The following EXD3 variants were observed in gnomAD, a reference collection of about 807,000 sequenced individuals.
EXD3 encodes exonuclease mut-7 homolog.
In EXD3, 92 loss-of-function variants were observed where a neutral mutation model predicts 98.0. The ratio of observed to expected loss-of-function variants is 0.94; its 90% CI spans 0.79 to 1.12. The LOEUF (loss-of-function observed/expected upper bound fraction) is 1.12, where lower values mean the gene tolerates loss of function less well. Ranked by LOEUF, EXD3 falls within the 50% of genes most tolerant of loss-of-function variation. The probability of loss-of-function intolerance (pLI) is 0.00; values close to 1 mark genes in which losing one functional copy is unlikely to be tolerated. For missense variants in EXD3, 1,222 were observed against 1,191.6 expected (o/e 1.03, Z -0.38); for synonymous variants, 569 against 526.0 (o/e 1.08, Z -1.12).
rs563761495 is a variant in EXD3 at position 137,346,238 on chromosome 9, C to CAAAAAAAAAAAAAA, written c.1998+1819_1998+1832dup. Among the ~76,000 whole-genome samples the CAAAAAAAAAAAAAA allele has an allele frequency of 5.3e-3, 72 of 13,612 alleles. 13 individuals are homozygous for CAAAAAAAAAAAAAA. Among genetic ancestry groups the CAAAAAAAAAAAAAA allele is most frequent in the African/African-American group, 0.018 (62 of 3,508 alleles). The allele number at this position is 13,612 out of a possible 152,430, so 8.9% of individuals were successfully genotyped here. On this transcript the variant is annotated intron_variant, in intron 17 of 21. Coordinates refer to ENST00000340951, the MANE Select transcript of EXD3 (RefSeq NM_017820.5). ...TGGGAGACAGAGCAAGACTCCGTCTCAAAAAAAAAAAAAAAAAAAAAAAAA... is the reference window on the plus strand; with the variant it reads ...TGGGAGACAGAGCAAGACTCCGTCTCAAAAAAAAAAAAAAAAAAAAAAAAAAAAAAAAAAAAAAA...
chr9:137,324,740 C>T lies in EXD3; in HGVS notation c.1999-597G>A, dbSNP rs1243565582. Among the ~76,000 whole-genome samples the T allele has an allele frequency of 4.6e-5, 7 of 152,230 alleles. No individual in the cohort carries two copies. Among genetic ancestry groups the T allele is most frequent in the South Asian group, 2.1e-4 (1 of 4,828 alleles). ...CGGAGTCTCGCTCTTTCGCCCAGGC[C>T]GGAGTGCAGTGGCGCTGTCTTGGCT... is the stretch of plus-strand genomic sequence containing the variant. On this transcript the variant is annotated intron_variant, in intron 17 of 21. Transcript: ENST00000340951. The surrounding 1 kb of genome is among the most constrained non-coding windows in gnomAD (Gnocchi z 4.1).
intron 14 of EXD3, among the ~76,000 whole-genome samples, chr9:137,350,010 G>T: frequency 6.7e-6 from 1 of 150,338 alleles, no homozygotes; most frequent in East Asian, 2.0e-4. Flanking sequence ...TGGGGATCAC[G>T]GGGAAGGTGC....
At chr9:137,368,916 G>C (rs1428907409) in intron 5 of EXD3, among the ~76,000 whole-genome samples, 1 of 149,516 alleles carries the variant, frequency 6.7e-6, no homozygotes, top group Non-Finnish European at 1.5e-5. Context: ...CTGTGGGCAG[G>C]GGCGCCTGGC....
intron 19 of EXD3, among the ~76,000 whole-genome samples, chr9:137,314,687 C>T (rs1831548049): frequency 1.3e-5 from 2 of 152,182 alleles, no homozygotes; most frequent in African/African-American, 4.8e-5. Flanking sequence ...GCCCCGTCCC[C>T]TTTGTGTGGC....
chr9:137,402,188 G>A (rs906342741), intron 1 of EXD3, among the ~76,000 whole-genome samples: 4 of 152,018 alleles, frequency 2.6e-5, no homozygotes, highest in African/African-American at 9.7e-5. Flanking sequence ...GCTAATTTTT[G>A]TATTTTTAGT....
intron 19 of EXD3, among the ~76,000 whole-genome samples, chr9:137,319,308 G>A (rs952846813): frequency 1.3e-5 from 2 of 152,238 alleles, no homozygotes; most frequent in Non-Finnish European, 2.9e-5. Flanking sequence ...CTGCAGCTGC[G>A]TGGAGCTGGG....
At position 137,416,183 on chromosome 9, in the gene EXD3, G is replaced by A. The variant is rs375370093; in HGVS notation, c.-48+6931C>T. On this transcript the variant is annotated intron_variant, in intron 1 of 21. Coordinates refer to ENST00000340951, the MANE Select transcript of EXD3 (RefSeq NM_017820.5). ...CCTGGGACCCACAGCCAGGGCTTTC[G>A]CTCTTCTGCAGTGCCTGAGGGCCAA... Among the ~76,000 whole-genome samples, 54 of 152,262 alleles carry A rather than the reference G, an allele frequency of 3.5e-4. 1 individual carries two copies. Among genetic ancestry groups the A allele is most frequent in the African/African-American group, 1.3e-3 (52 of 41,538 alleles).
intron 1 of EXD3, among the ~76,000 whole-genome samples, chr9:137,410,732 G>C (rs915310970): frequency 1.3e-5 from 2 of 152,182 alleles, no homozygotes; most frequent in African/African-American, 2.4e-5. Context: ...GGCCTGGCAT[G>C]GAGGAGGTGA....
At chr9:137,320,937 G>T (rs936300601) in intron 19 of EXD3, among the ~76,000 whole-genome samples, 1 of 152,216 alleles carries the variant, frequency 6.6e-6, no homozygotes, top group African/African-American at 2.4e-5. Flanking sequence ...GAGAGGCAGC[G>T]GACGCGGTTC....
At chr9:137,412,119 C>A (rs1838034119) in intron 1 of EXD3, among the ~76,000 whole-genome samples, 1 of 152,224 alleles carries the variant, frequency 6.6e-6, no homozygotes, top group Non-Finnish European at 1.5e-5. Flanking sequence ...GCAGCCGCCA[C>A]CCCCAGGATG....
intron 3 of EXD3, among the ~76,000 whole-genome samples, chr9:137,382,201 G>T (rs1342884237): frequency 6.6e-6 from 1 of 151,974 alleles, no homozygotes; most frequent in Non-Finnish European, 1.5e-5. Context: ...GAGGAGGTGA[G>T]GGCACAGACA....
chr9:137,330,657 T>TACACAGGA (rs1433193335), intron 17 of EXD3, among the ~76,000 whole-genome samples: 1 of 149,244 alleles, frequency 6.7e-6, no homozygotes, highest in African/African-American at 2.5e-5. Context: ...TACACAGGAC[T>TACACAGGA]GATGGACTTC....
intron 19 of EXD3, among the ~76,000 whole-genome samples, chr9:137,319,944 C>T (rs1831938823): frequency 6.6e-6 from 1 of 152,220 alleles, no homozygotes; most frequent in African/African-American, 2.4e-5. Flanking sequence ...GGCCTCCCTC[C>T]CACCTGGGCT....
intron 1 of EXD3, among the ~76,000 whole-genome samples, chr9:137,398,852 G>A (rs1837348750): frequency 6.9e-6 from 1 of 144,162 alleles, no homozygotes; most frequent in South Asian, 2.2e-4. Context: ...GCATCCCCAA[G>A]ACACACAGGC....
chr9:137,328,693 TACACAGGGTC>T (rs201591894), intron 17 of EXD3, among the ~76,000 whole-genome samples: 1 of 61,064 alleles, frequency 1.6e-5, no homozygotes, highest in African/African-American at 9.1e-5. Flanking sequence ...TACACGGGAC[TACACAGGGTC>T]ACACGGGACT....
At position 137,307,006 on chromosome 9, in the gene EXD3, C is replaced by G. The variant is rs898058049; in HGVS notation, c.2575G>C (p.Ala859Pro). 6.2e-7 allele frequency: 1 copy of G among 1,610,430 alleles called. No individual in the cohort carries two copies. The highest frequency in any genetic ancestry group is 2.2e-5 in the East Asian group (1 of 44,846). Residue 859 changes from alanine (A) to proline (P), a missense_variant, in exon 22 of 22, where the codon GCC becomes CCC. Ala to Pro is a conservative substitution (Grantham distance 27). Coordinates refer to ENST00000340951, the MANE Select transcript of EXD3 (RefSeq NM_017820.5). ...GGGCTCGGCTCGCAGGGGCTGGGGG[C>G]GCTCTCCAGCATGTCTCGGAAGTGG... ...ATHFRDMLES[A>P]PSPCEPSPAP...
chr9:137,390,357 G>A (rs1351879078), intron 2 of EXD3, among the ~76,000 whole-genome samples: 5 of 150,960 alleles, frequency 3.3e-5, no homozygotes, highest in African/African-American at 9.7e-5. Flanking sequence ...GCGTGAACCC[G>A]GGAGGCGGAG....
intron 19 of EXD3, among the ~76,000 whole-genome samples, chr9:137,318,056 G>A (rs1831792893): frequency 6.6e-6 from 1 of 152,100 alleles, no homozygotes; most frequent in South Asian, 2.1e-4. Context: ...AGAATGTAAG[G>A]GTCTCCAGGC....
At chr9:137,337,662 T>C (rs1833430752) in intron 17 of EXD3, among the ~76,000 whole-genome samples, 1 of 151,106 alleles carries the variant, frequency 6.6e-6, no homozygotes, top group Non-Finnish European at 1.5e-5. Flanking sequence ...AAAAAAAAGA[T>C]GTTTTGAACG....
Sources: allele counts gnomAD v4.1 joint callset (sites outside exome capture counted in the v4.1 genomes callset), GRCh38; gene constraint gnomAD v4.1.1; non-coding constraint Gnocchi (gnomAD v3.1); transcripts MANE v1.5; gene names NCBI Gene and HGNC (gene_info 2026-07-23, HGNC 2026-07-21).